The following ZNF532 variants were observed in gnomAD, a reference collection of about 807,000 sequenced individuals.
ZNF532 encodes zinc finger protein 532.
Under a neutral mutation model 89.3 loss-of-function variants are expected in ZNF532, and 22 were observed. The ratio of observed to expected loss-of-function variants is 0.25; its 90% CI spans 0.18 to 0.35. The LOEUF (loss-of-function observed/expected upper bound fraction) is 0.35. ZNF532 is among the 10% of genes least tolerant of loss of function. ZNF532 has a pLI of 1.00. For synonymous variants in ZNF532, 606 were observed against 649.6 expected, an observed-to-expected ratio of 0.93 and a Z score of 1.02; for missense variants, 1,132 against 1,643.4, an observed-to-expected ratio of 0.69 and a Z score of 5.38.
rs576713263 is a variant in ZNF532 at position 58,963,635 on chromosome 18, G to A, written c.3150+9836G>A. On this transcript the variant is annotated intron_variant, in intron 7 of 9. Coordinates refer to ENST00000591808, the MANE Select transcript of ZNF532 (RefSeq NM_001375912.1). ...TGTGTGTGTGTGTGTGTGTGTGTGT[G>A]TGTGTGTGTGTATGTATATAAATTT... Among the ~76,000 whole-genome samples, 667 of 125,150 alleles carry A rather than the reference G, an allele frequency of 5.3e-3. 6 individuals carry two copies. The highest frequency in any genetic ancestry group is 0.018 in the African/African-American group (642 of 36,446). The allele number at this position is 125,150 out of a possible 152,430, so 82.1% of individuals were successfully genotyped here.
At chr18:58,962,823 G>C (rs554440176) in intron 7 of ZNF532, among the ~76,000 whole-genome samples, 2 of 152,090 alleles carry the variant, frequency 1.3e-5, no homozygotes, top group East Asian at 3.9e-4. Flanking sequence ...GGATGGTCTC[G>C]ATCTTCTGAC....
rs1457511749 is a variant in ZNF532, at chr18:58,986,368, A to AT, written c.*1903dup. 2.0e-5 allele frequency: 3 copies of AT among 152,672 alleles called. No homozygotes were observed. The highest frequency in any genetic ancestry group is 7.2e-5 in the African/African-American group (3 of 41,464). The allele number at this position is 152,672 out of a possible 1,614,324, so 9.5% of individuals were successfully genotyped here. On this transcript the variant is annotated 3_prime_UTR_variant, in exon 10 of 10. Transcript: ENST00000591808. ...CCTCATAGCTGGTAAGTGGCTTTGC[A>AT]TATTAGAACCCAAATATTTTGCTCT...
intron 2 of ZNF532, among the ~76,000 whole-genome samples, chr18:58,887,710 C>T (rs1568241775): frequency 6.6e-6 from 1 of 152,102 alleles, no homozygotes; most frequent in Non-Finnish European, 1.5e-5. Context: ...CAGGAGGGAC[C>T]GTCATGCAGG....
chr18:58,888,569 G>A (rs1016030506), intron 2 of ZNF532, among the ~76,000 whole-genome samples: 7 of 147,638 alleles, frequency 4.7e-5, no homozygotes, highest in African/African-American at 1.3e-4. Context: ...CCAGCTACTT[G>A]GGAGGCTGAG....
At chr18:58,886,247 C>T (rs536631251) in intron 2 of ZNF532, among the ~76,000 whole-genome samples, 25 of 152,302 alleles carry the variant, frequency 1.6e-4, no homozygotes, top group Non-Finnish European at 3.1e-4. Flanking sequence ...TCCCAAAGTG[C>T]TGAGATTACA....
At chr18:58,897,140 GA>G (rs879111283) in intron 2 of ZNF532, among the ~76,000 whole-genome samples, 1 of 151,948 alleles carries the variant, frequency 6.6e-6, no homozygotes, top group Non-Finnish European at 1.5e-5. Context: ...GGGTGGGGGG[GA>G]TTGTTATGAA....
intron 2 of ZNF532, among the ~76,000 whole-genome samples, chr18:58,905,305 C>T (rs1411430769): frequency 6.6e-6 from 1 of 152,014 alleles, no homozygotes; most frequent in Admixed American, 6.5e-5. Flanking sequence ...TGCTTTTCGC[C>T]AATATTCTTT....
At chr18:58,953,940 C>T in intron 7 of ZNF532, 141 bp downstream of exon 7, 6 of 1,430,736 alleles carry the variant, frequency 4.2e-6, no homozygotes, top group Non-Finnish European at 5.5e-6. Context: ...CTCTCTGCCT[C>T]ACTTCTTTAT....
At chr18:58,941,463 T>G (rs1164753675) in intron 5 of ZNF532, among the ~76,000 whole-genome samples, 1 of 123,966 alleles carries the variant, frequency 8.1e-6, no homozygotes, top group African/African-American at 3.0e-5. Flanking sequence ...CTTTTCTCTC[T>G]CTCTCTTTTT....
intron 7 of ZNF532, among the ~76,000 whole-genome samples, chr18:58,964,590 TTTTC>T (rs1241454965): frequency 6.7e-4 from 102 of 151,154 alleles, no homozygotes; most frequent in Non-Finnish European, 1.3e-3. Flanking sequence ...TATACACAGT[TTTTC>T]TTTTTTTTTT....
chr18:58,874,060 C>G (rs552662334), intron 2 of ZNF532, among the ~76,000 whole-genome samples: 1 of 152,052 alleles, frequency 6.6e-6, no homozygotes, highest in Non-Finnish European at 1.5e-5. Flanking sequence ...GGTCTTTGGT[C>G]TCTGTTTTGG....
rs2060837363 is a variant in ZNF532 at position 58,919,188 on chromosome 18, C to T, written c.901C>T (p.Pro301Ser). Reference protein sequence around the residue: ...VANSRESSPLPKEVNDSPRAA... With the variant: ...VANSRESSPLSKEVNDSPRAA... Reference sequence around the variant, plus strand: ...CAATTCGAGGGAATCCTCCCCGTTACCAAAAGAAGTAAATGACAGTCCGAG... The same window carrying T: ...CAATTCGAGGGAATCCTCCCCGTTATCAAAAGAAGTAAATGACAGTCCGAG... The change falls in exon 3 of 10, where the codon CCA (proline) becomes TCA (serine). Residue 301 changes from proline (P) to serine (S), a missense_variant. Transcript: ENST00000591808. This position sits in a 1 kb window ranked among gnomAD's most constrained non-coding sequence, Gnocchi z 6.1. 1 of 1,614,038 alleles carries T rather than the reference C, an allele frequency of 6.2e-7. No homozygotes were observed.
chr18:58,961,441 T>C (rs2065335216), intron 7 of ZNF532, among the ~76,000 whole-genome samples: 1 of 152,200 alleles, frequency 6.6e-6, no homozygotes, highest in Admixed American at 6.5e-5. Flanking sequence ...AGCCCCATTG[T>C]CTCAACGTAG....
rs375265416 is a variant in ZNF532, at chr18:58,907,227, C to T, written c.-17-11044C>T. Among the ~76,000 whole-genome samples the T allele has an allele frequency of 3.0e-4, 45 of 152,226 alleles. No homozygotes were observed. In the East Asian group the frequency reaches 4.4e-3, roughly 15 times the overall value. ...TAAAGACGGAGTCTCGCTCTGTTGC[C>T]CAGGCTAGGGTGCAGTGGCATGATC... On this transcript the variant is annotated intron_variant, in intron 2 of 9. Coordinates refer to ENST00000591808, the MANE Select transcript of ZNF532 (RefSeq NM_001375912.1).
chr18:58,880,245 C>G (rs546988500), intron 2 of ZNF532, among the ~76,000 whole-genome samples: 1 of 152,152 alleles, frequency 6.6e-6, no homozygotes, highest in African/African-American at 2.4e-5. Flanking sequence ...GATGAGCTAA[C>G]GGGTGACTTG....
At chr18:58,954,216 C>T (rs1372248452) in intron 7 of ZNF532, 2 of 989,768 alleles carry the variant, frequency 2.0e-6, no homozygotes, top group African/African-American at 3.5e-5. Context: ...TTACATGATT[C>T]TTCCTTGAGT....
intron 2 of ZNF532, among the ~76,000 whole-genome samples, chr18:58,903,704 T>C (rs2059744251): frequency 6.6e-6 from 1 of 151,994 alleles, no homozygotes; most frequent in South Asian, 2.1e-4. Context: ...CGAAGTTAGT[T>C]TAAGAAAGCT....
At position 58,942,767 on chromosome 18, in the gene ZNF532, A is replaced by T. The variant is rs1249427043; in HGVS notation, c.2705+3146A>T. Among the ~76,000 whole-genome samples the T allele has an allele frequency of 2.0e-5, 3 of 152,214 alleles. No individual in the cohort carries two copies. The East Asian group carries it at 5.8e-4, about 29-fold the overall frequency. On this transcript the variant is annotated intron_variant, in intron 5 of 9. Transcript: ENST00000591808. ...AAATCCATCTCTATTCTGTTTACAT[A>T]AGTCCAAAATGACTAAATAGTCCCA...
At chr18:58,873,949 C>T (rs2057213110) in intron 2 of ZNF532, among the ~76,000 whole-genome samples, 1 of 152,174 alleles carries the variant, frequency 6.6e-6, no homozygotes, top group Non-Finnish European at 1.5e-5. Flanking sequence ...AAATTCTAAA[C>T]CATACGTTTC....
Sources: allele counts gnomAD v4.1 joint callset (sites outside exome capture counted in the v4.1 genomes callset), GRCh38; gene constraint gnomAD v4.1.1; non-coding constraint Gnocchi (gnomAD v3.1); transcripts MANE v1.5; gene names NCBI Gene and HGNC (gene_info 2026-07-23, HGNC 2026-07-21).